FNDC7: variants seen among roughly 807,000 people sequenced by gnomAD.
The protein encoded by FNDC7 is fibronectin type III domain containing 7, also known as fibronectin type III domain-containing protein 7.
FNDC7 carries 66 observed loss-of-function variants against 74.2 expected under a neutral mutation model. The observed-to-expected ratio is 0.89, with a 90% confidence interval of 0.73 to 1.09. The LOEUF (loss-of-function observed/expected upper bound fraction) is 1.09. FNDC7 is among the 50% of genes least tolerant of loss of function. The pLI is 0.00. For synonymous variants in FNDC7, 307 were observed against 330.2 expected (o/e 0.93, Z 0.76); for missense variants, 829 against 893.4 (o/e 0.93, Z 0.92).
intron 11 of FNDC7, among the ~76,000 whole-genome samples, chr1:108,737,988 G>T (rs2101091550): frequency 6.6e-6 from 1 of 152,330 alleles, no homozygotes; most frequent in Admixed American, 6.5e-5. Context: ...GCTAAGAACT[G>T]CTACTTTAGA....
intron 5 of FNDC7, among the ~76,000 whole-genome samples, chr1:108,723,179 A>G (rs369113222): frequency 2.0e-5 from 3 of 152,314 alleles, no homozygotes; most frequent in African/African-American, 4.8e-5. Context: ...CTCTGGCACT[A>G]TAAGTATGTT....
At chr1:108,722,714 A>G (rs921776159) in intron 5 of FNDC7, 122 bp downstream of exon 5, 32 of 1,108,694 alleles carry the variant, frequency 2.9e-5, no homozygotes, top group Non-Finnish European at 3.8e-5. Context: ...GGTCTAAATG[A>G]AAGCATAGAG....
At position 108,729,010 on chromosome 1, in the gene FNDC7, T is replaced by C. The variant is rs7529771; in HGVS notation, c.1624+124T>C. 5.5e-3 allele frequency: 6,812 copies of C among 1,232,064 alleles called. 285 individuals carry two copies. The African/African-American group carries it at 0.089, about 16-fold the overall frequency. The allele number at this position is 1,232,064 out of a possible 1,614,324, so 76.3% of individuals were successfully genotyped here. ...AGAAATACATTAAACTCAGAGACGTTTCAAAGAGTCCCGGTCATAGACAAT... is the reference window on the plus strand; with the variant it reads ...AGAAATACATTAAACTCAGAGACGTCTCAAAGAGTCCCGGTCATAGACAAT... On this transcript the variant is annotated intron_variant, in intron 8 of 12. Coordinates refer to ENST00000370017, the MANE Select transcript of FNDC7 (RefSeq NM_001144937.3).
intron 11 of FNDC7, among the ~76,000 whole-genome samples, chr1:108,740,435 C>G (rs917625537): frequency 1.4e-5 from 2 of 147,548 alleles, no homozygotes; most frequent in Non-Finnish European, 3.0e-5. Flanking sequence ...TCAAGCGATT[C>G]TCGCGCCTCA....
chr1:108,727,396 A>G (rs886967345), intron 6 of FNDC7, among the ~76,000 whole-genome samples: 1 of 152,110 alleles, frequency 6.6e-6, no homozygotes, highest in African/African-American at 2.4e-5. Context: ...CCCCAGTTTT[A>G]TTTGGTTTAC....
At chr1:108,733,105 T>C (rs116836596) in intron 9 of FNDC7, among the ~76,000 whole-genome samples, 167 bp from the exon 10 acceptor site, 284 of 152,162 alleles carry the variant, frequency 1.9e-3, no homozygotes, top group Non-Finnish European at 3.3e-3. Flanking sequence ...TGGCCCACCA[T>C]GGAAATAACT....
rs766644173 is a variant in FNDC7, at chr1:108,730,946, C to A, written c.1879+18C>A. The A allele has an allele frequency of 6.5e-5, 103 of 1,594,328 alleles. No homozygotes were observed. The East Asian group carries it at 2.3e-3, about 35-fold the overall frequency. The stretch of plus-strand genomic sequence containing the variant: ...TTTCTCTGGTAAGTGAACTCTAGCT[C>A]TAGAGTAGCAGTAAGGACTTGACTA... On this transcript the variant is annotated intron_variant, in intron 9 of 12. Transcript: ENST00000370017.
chr1:108,714,576 A>G (rs1660933919), intron 2 of FNDC7, among the ~76,000 whole-genome samples: 1 of 144,082 alleles, frequency 6.9e-6, no homozygotes, highest in Admixed American at 7.0e-5. Flanking sequence ...AAACTATAGG[A>G]GGGTCTGCTT....
Position 108,722,576 on chromosome 1 carries a change from A to G in FNDC7, c.840A>G (p.Ala280=). ...CTGGATCTAGCAAATCATCTTCAGC[A>G]ATGACCCTGAAAACTGGTATGTAAA... The part of the protein sequence containing the change: ...NDAGSSKSSS[A]MTLKTVACAP... Residue 280 remains alanine, a synonymous_variant, in exon 5 of 13, where the codon GCA becomes GCG. Transcript: ENST00000370017. 1 of 1,613,414 alleles carries G rather than the reference A, an allele frequency of 6.2e-7. No individual in the cohort carries two copies. Among genetic ancestry groups the G allele is most frequent in the Non-Finnish European group, 8.5e-7 (1 of 1,179,520 alleles).
chr1:108,726,866 G>C (rs1300200412), intron 6 of FNDC7, among the ~76,000 whole-genome samples: 3 of 152,202 alleles, frequency 2.0e-5, no homozygotes. Flanking sequence ...TTGGAATGTG[G>C]AAAAAGAGGC....
chr1:108,717,615 C>G (rs1367492280), intron 2 of FNDC7, among the ~76,000 whole-genome samples, 162 bp from the exon 3 acceptor site: 1 of 152,134 alleles, frequency 6.6e-6, no homozygotes, highest in Non-Finnish European at 1.5e-5. Context: ...TGGAGAGTAG[C>G]TTTGTCTTTC....
In FNDC7 at chr1:108,723,880, TC is replaced by T. The variant is rs774311551; in HGVS notation, c.856+1289del. 2.6e-4 allele frequency among the ~76,000 whole-genome samples: 39 copies of T among 152,332 alleles called. 1 individual carries two copies. Among genetic ancestry groups the T allele is most frequent in the South Asian group, 1.4e-3 (7 of 4,832 alleles). Reference sequence around the variant, plus strand: ...AGTTTGTAAAAGCTCCCCAGTTGATTCTACTATGCAGTCAGGGTTAAGTGCC... The same window carrying T: ...AGTTTGTAAAAGCTCCCCAGTTGATTTACTATGCAGTCAGGGTTAAGTGCC... On this transcript the variant is annotated intron_variant, in intron 5 of 12. Transcript: ENST00000370017.
chr1:108,733,570 T>C, intron 10 of FNDC7, 38 bp downstream of exon 10: 1 of 1,587,640 alleles, frequency 6.3e-7, no homozygotes, highest in East Asian at 2.3e-5. Context: ...AAACTAACCC[T>C]GAACTCATAT....
At position 108,741,582 on chromosome 1, in the gene FNDC7, C is replaced by G. The variant is rs144258989; in HGVS notation, c.2171-191C>G. Among the ~76,000 whole-genome samples the G allele has an allele frequency of 3.3e-5, 5 of 152,300 alleles. No individual in the cohort carries two copies. In the East Asian group the frequency reaches 9.6e-4, roughly 29 times the overall value. On this transcript the variant is annotated intron_variant, in intron 11 of 12. Transcript: ENST00000370017. ...TTGGTGAAGCAGGAGAGAGACTGCTCTGGTTAGAAACTGCTGATCAGTTTG... is the reference window on the plus strand; with the variant it reads ...TTGGTGAAGCAGGAGAGAGACTGCTGTGGTTAGAAACTGCTGATCAGTTTG...
chr1:108,733,943 C>T (rs1053467497), intron 10 of FNDC7, among the ~76,000 whole-genome samples: 3 of 152,138 alleles, frequency 2.0e-5, no homozygotes, highest in African/African-American at 7.2e-5. Flanking sequence ...AACCACTGCA[C>T]CCAGTCAAGG....
At chr1:108,728,200 C>T (rs1190075292) in intron 7 of FNDC7, 135 bp downstream of exon 7, 19 of 1,135,422 alleles carry the variant, frequency 1.7e-5, no homozygotes, top group Non-Finnish European at 2.1e-5. Context: ...CCAAGAGAGC[C>T]CCCGTTGTAC....
At position 108,714,840 on chromosome 1, in the gene FNDC7, G is replaced by A. The variant is rs569536275; in HGVS notation, c.82+1311G>A. ...GATCACCTGACCTCATGATCCGCCC[G>A]CCTCGGCCTCCCAAAGTGCTGGGAT... On this transcript the variant is annotated intron_variant, in intron 2 of 12. Coordinates refer to ENST00000370017, the MANE Select transcript of FNDC7 (RefSeq NM_001144937.3). 4.0e-5 allele frequency among the ~76,000 whole-genome samples: 6 copies of A among 151,812 alleles called. No individual in the cohort carries two copies. In the East Asian group the frequency reaches 5.8e-4, roughly 15 times the overall value.
intron 11 of FNDC7, among the ~76,000 whole-genome samples, chr1:108,738,031 A>G (rs1661555464): frequency 6.6e-6 from 1 of 152,222 alleles, no homozygotes. Flanking sequence ...GTGCACACAC[A>G]TCACCTGGGG....
intron 3 of FNDC7, among the ~76,000 whole-genome samples, 193 bp from the exon 4 acceptor site, chr1:108,718,596 T>A (rs1387245344): frequency 6.6e-6 from 1 of 152,254 alleles, no homozygotes; most frequent in Non-Finnish European, 1.5e-5. Flanking sequence ...TTTCTCTGTT[T>A]CCCATTCCTC....
Sources: allele counts gnomAD v4.1 joint callset (sites outside exome capture counted in the v4.1 genomes callset), GRCh38; gene constraint gnomAD v4.1.1; transcripts MANE v1.5; gene names NCBI Gene and HGNC (gene_info 2026-07-23, HGNC 2026-07-21).